Variants in FHIT observed in about 807,000 individuals in gnomAD.
FHIT encodes bis(5'-adenosyl)-triphosphatase.
In FHIT, 19 loss-of-function variants were observed where a neutral mutation model predicts 17.9. The ratio of observed to expected loss-of-function variants is 1.06; its 90% CI spans 0.74 to 1.56. The LOEUF is 1.56. Ranked by LOEUF, FHIT falls within the 40% of genes most tolerant of loss-of-function variation. FHIT has a pLI of 0.00. For missense variants in FHIT, 248 were observed against 189.2 expected (o/e 1.31, Z -1.82); for synonymous variants, 81 against 69.7 (o/e 1.16, Z -0.81).
intron 2 of FHIT, among the ~76,000 whole-genome samples, chr3:61,110,927 T>C (rs2036139879): frequency 6.6e-6 from 1 of 152,198 alleles, no homozygotes; most frequent in Non-Finnish European, 1.5e-5. Context: ...AATATTCCTA[T>C]TTCTTAAGTT....
chr3:60,077,747 G>T (rs1395302125), intron 5 of FHIT, among the ~76,000 whole-genome samples: 1 of 143,300 alleles, frequency 7.0e-6, no homozygotes, highest in Non-Finnish European at 1.5e-5. Context: ...GAGGGGGGGG[G>T]GAGGATACAA....
chr3:60,357,275 T>C (rs567313222), intron 5 of FHIT, among the ~76,000 whole-genome samples: 2 of 152,160 alleles, frequency 1.3e-5, no homozygotes, highest in African/African-American at 2.4e-5. Context: ...TGGCATAATC[T>C]TGGCTCACTG....
At chr3:59,808,729 C>A (rs1700298838) in intron 8 of FHIT, among the ~76,000 whole-genome samples, 2 of 152,146 alleles carry the variant, frequency 1.3e-5, no homozygotes, top group South Asian at 4.1e-4. Context: ...ATGGCTTGAG[C>A]TTTAACTACA....
chr3:61,214,393 A>T (rs527339574), intron 1 of FHIT, among the ~76,000 whole-genome samples: 2 of 152,360 alleles, frequency 1.3e-5, no homozygotes, highest in East Asian at 3.9e-4. Context: ...GCACAAATAA[A>T]CTAGAAAATC....
chr3:59,971,291 C>A (rs180895701), intron 7 of FHIT, among the ~76,000 whole-genome samples: 1 of 152,152 alleles, frequency 6.6e-6, no homozygotes, highest in East Asian at 1.9e-4. Flanking sequence ...TTGATAGCTG[C>A]AAGAATATTT....
At position 60,451,185 on chromosome 3, in the gene FHIT, T is replaced by C. The variant is rs568165020; in HGVS notation, c.103+85675A>G. On this transcript the variant is annotated intron_variant, in intron 5 of 9. Transcript: ENST00000492590. ...TATTTTTTTTAACCATTTTATCAAA[T>C]GGTTATCAGGGGCCCAGTGCTCCTG... Among the ~76,000 whole-genome samples the C allele has an allele frequency of 2.0e-5, 3 of 152,206 alleles. No homozygotes were observed. In the South Asian group the frequency reaches 6.2e-4, roughly 32 times the overall value.
chr3:60,074,206 C>G lies in FHIT; in HGVS notation c.104-60054G>C, dbSNP rs184472703. Among the ~76,000 whole-genome samples the G allele has an allele frequency of 4.6e-5, 7 of 152,124 alleles. No homozygotes were observed. In the East Asian group the frequency reaches 1.4e-3, roughly 30 times the overall value. ...CAGAGTAAATGACTCTTATTTCAAT[C>G]CACCAAGTACTGGGGACAGTTTGGT... On this transcript the variant is annotated intron_variant, in intron 5 of 9. Coordinates refer to ENST00000492590, the MANE Select transcript of FHIT (RefSeq NM_002012.4).
At chr3:61,187,443 G>A (rs1254960887) in intron 2 of FHIT, among the ~76,000 whole-genome samples, 1 of 152,086 alleles carries the variant, frequency 6.6e-6, no homozygotes, top group Non-Finnish European at 1.5e-5. Context: ...AGCCCTTAGA[G>A]ACCTATAAAG....
At chr3:60,829,195 T>C (rs1702231431) in intron 3 of FHIT, among the ~76,000 whole-genome samples, 1 of 152,208 alleles carries the variant, frequency 6.6e-6, no homozygotes, top group African/African-American at 2.4e-5. Context: ...ATATGATCCA[T>C]GCCTGCATCC....
chr3:59,840,447 C>T (rs1211110313), intron 8 of FHIT, among the ~76,000 whole-genome samples: 1 of 151,398 alleles, frequency 6.6e-6, no homozygotes, highest in Non-Finnish European at 1.5e-5. Context: ...TGAGGAATCT[C>T]TTCATTTTTG....
intron 5 of FHIT, among the ~76,000 whole-genome samples, chr3:60,417,391 T>C (rs2107249119): frequency 1.3e-5 from 2 of 152,246 alleles, no homozygotes; most frequent in Non-Finnish European, 2.9e-5. Context: ...TCACTTTTGG[T>C]TCATCATTCT....
intron 4 of FHIT, among the ~76,000 whole-genome samples, chr3:60,804,396 T>G (rs1553733325): frequency 6.6e-6 from 1 of 152,196 alleles, no homozygotes; most frequent in Non-Finnish European, 1.5e-5. Flanking sequence ...TCAGATGCTC[T>G]CAGGCTTCCT....
intron 5 of FHIT, among the ~76,000 whole-genome samples, chr3:60,326,814 T>C (rs1709717427): frequency 6.6e-6 from 1 of 152,200 alleles, no homozygotes; most frequent in Non-Finnish European, 1.5e-5. Context: ...CATCTCCCCA[T>C]TGCTGAAGAA....
chr3:60,963,004 G>T lies in FHIT; in HGVS notation c.-111+79043C>A, dbSNP rs558472984. On this transcript the variant is annotated intron_variant, in intron 3 of 9. Transcript: ENST00000492590. The stretch of plus-strand genomic sequence containing the variant: ...GATTGGAATGGTTTCAGAAGGAATG[G>T]TACCCGCTCCTCTTTGTACCTCCGG... Among the ~76,000 whole-genome samples the T allele has an allele frequency of 9.3e-4, 142 of 152,264 alleles. 1 individual carries two copies. Among genetic ancestry groups the T allele is most frequent in the African/African-American group, 3.2e-3 (133 of 41,560 alleles).
chr3:60,099,119 C>A (rs1704086909), intron 5 of FHIT, among the ~76,000 whole-genome samples: 2 of 152,150 alleles, frequency 1.3e-5, no homozygotes, highest in Admixed American at 1.3e-4. Context: ...ACACTCCAGC[C>A]AAAGAGTAAT....
intron 5 of FHIT, among the ~76,000 whole-genome samples, chr3:60,328,463 C>A (rs770666753): frequency 6.6e-6 from 1 of 152,122 alleles, no homozygotes; most frequent in Non-Finnish European, 1.5e-5. Context: ...AGCAAGAGAG[C>A]GTGTGCTCGG....
chr3:60,895,081 G>T (rs1260435770), intron 3 of FHIT, among the ~76,000 whole-genome samples: 1 of 152,126 alleles, frequency 6.6e-6, no homozygotes, highest in African/African-American at 2.4e-5. Context: ...CTGGCTTTTA[G>T]CTGTCATGTC....
intron 2 of FHIT, among the ~76,000 whole-genome samples, chr3:61,044,657 A>G (rs2033695725): frequency 6.6e-6 from 1 of 152,222 alleles, no homozygotes; most frequent in Non-Finnish European, 1.5e-5. Flanking sequence ...CCTCGAGAAG[A>G]GCAAATCCAA....
At chr3:59,994,860 C>G (rs1302939007) in intron 7 of FHIT, among the ~76,000 whole-genome samples, 2 of 152,076 alleles carry the variant, frequency 1.3e-5, no homozygotes, top group Non-Finnish European at 2.9e-5. Flanking sequence ...CTTGTCTATG[C>G]ACTAAGTTAC....
Sources: gnomAD v4.1 joint callset for allele counts (sites outside exome capture counted in the v4.1 genomes callset) on GRCh38, gnomAD v4.1.1 for gene constraint, MANE v1.5 for transcripts, NCBI Gene and HGNC (gene_info 2026-07-23, HGNC 2026-07-21) for gene names.